Variants in NCAPG observed in about 807,000 individuals in gnomAD.
NCAPG encodes the protein non-SMC condensin I complex subunit G, also known as condensin complex subunit 3.
In NCAPG, 69 loss-of-function variants were observed where a neutral mutation model predicts 113.1. That is an observed-to-expected ratio of 0.61 (90% CI 0.50 to 0.75). The LOEUF (loss-of-function observed/expected upper bound fraction) is 0.75, where lower values mean the gene tolerates loss of function less well. Ranked by LOEUF, NCAPG falls within the 30% of genes least tolerant of loss-of-function variation. The pLI, the probability that NCAPG is intolerant of heterozygous loss-of-function variation, is 0.00. For synonymous variants in NCAPG, 370 were observed against 415.8 expected (o/e 0.89, Z 1.34); for missense variants, 1,058 against 1,177.0 (o/e 0.90, Z 1.48).
At chr4:17,833,532 A>G (rs1434286987) in intron 13 of NCAPG, among the ~76,000 whole-genome samples, 1 of 150,502 alleles carries the variant, frequency 6.6e-6, no homozygotes, top group African/African-American at 2.4e-5. Context: ...TATTTTTCCT[A>G]CTGGATTTTA....
Position 17,825,496 on chromosome 4 carries a change from G to T in NCAPG, c.1588G>T (p.Asp530Tyr), listed in dbSNP as rs1307050184. ...AAAAGAAGAAATAAAAGCATTAGAAGATGCCAGAATAAACCTTTTGAAAGA... is the reference window on the plus strand; with the variant it reads ...AAAAGAAGAAATAAAAGCATTAGAATATGCCAGAATAAACCTTTTGAAAGA... ...ELKEEIKALE[D>Y]ARINLLKETE... is the part of the protein sequence containing the mutation. The change falls in exon 11 of 21, where the codon GAT (aspartate) becomes TAT (tyrosine). Residue 530 changes from aspartate to tyrosine, a missense_variant. By Grantham distance (160) the Asp-to-Tyr change is radical. Coordinates refer to ENST00000251496, the MANE Select transcript of NCAPG (RefSeq NM_022346.5). 1 of 1,610,262 alleles carries T rather than the reference G, an allele frequency of 6.2e-7. No individual in the cohort carries two copies. The highest frequency in any genetic ancestry group is 1.7e-5 in the Admixed American group (1 of 58,920).
At chr4:17,824,779 T>G (rs562220580) in intron 9 of NCAPG, among the ~76,000 whole-genome samples, 189 bp from the exon 10 acceptor site, 1 of 148,778 alleles carries the variant, frequency 6.7e-6, no homozygotes, top group East Asian at 2.0e-4. Flanking sequence ...CATTTTGTAG[T>G]CAGATATATT....
intron 12 of NCAPG, among the ~76,000 whole-genome samples, chr4:17,829,918 A>C (rs1044552817): frequency 1.3e-5 from 2 of 152,246 alleles, no homozygotes; most frequent in Non-Finnish European, 2.9e-5. Context: ...AAGAAGAGCT[A>C]TATGGCCGTA....
rs370286068 is a variant in NCAPG, at chr4:17,825,528, G to A, written c.1620G>A (p.Glu540=). The A allele has an allele frequency of 6.3e-7, 1 of 1,595,794 alleles. No homozygotes were observed. The highest frequency in any genetic ancestry group is 8.5e-7 in the Non-Finnish European group (1 of 1,175,246). ...GAATAAACCTTTTGAAAGAGACAGA[G>A]CAACTTGAAATTAAAGAAGTCCACA... ...DARINLLKET[E]QLEIKEVHIE... The change falls in exon 11 of 21, where the codon GAG becomes GAA. Residue 540 remains glutamate, a synonymous_variant. Coordinates refer to ENST00000251496, the MANE Select transcript of NCAPG (RefSeq NM_022346.5).
chr4:17,826,460 G>A (rs1168718764), intron 11 of NCAPG, among the ~76,000 whole-genome samples: 2 of 152,088 alleles, frequency 1.3e-5, no homozygotes, highest in Non-Finnish European at 2.9e-5. Flanking sequence ...ATTTTATTTT[G>A]ATAGCTGGTG....
intron 12 of NCAPG, among the ~76,000 whole-genome samples, chr4:17,830,378 G>A (rs1014650131): frequency 4.6e-5 from 7 of 151,558 alleles, no homozygotes; most frequent in Admixed American, 1.3e-4. Flanking sequence ...GGGTGACAGC[G>A]TGAGACTCTG....
rs1174967368 is a variant in NCAPG, at chr4:17,831,013, T to G, written c.1781T>G (p.Ile594Arg). Residue 594 changes from isoleucine to arginine, a missense_variant, in exon 13 of 21, where the codon ATA becomes AGA. Ile to Arg is a moderately conservative substitution (Grantham distance 97). Transcript: ENST00000251496. ...IIESLILPGI[I>R]SIHPVVRNLA... is the part of the protein sequence containing the mutation. ...TCATTTTAGATTCTTCCTGGAATAATAAGTATTCATCCTGTTGTAAGAAAC... is the reference window on the plus strand; with the variant it reads ...TCATTTTAGATTCTTCCTGGAATAAGAAGTATTCATCCTGTTGTAAGAAAC... The G allele has an allele frequency of 6.2e-7, 1 of 1,611,696 alleles. No homozygotes were observed. Among genetic ancestry groups the G allele is most frequent in the South Asian group, 1.1e-5 (1 of 90,590 alleles).
chr4:17,836,817 C>G (rs1722115361), intron 14 of NCAPG, among the ~76,000 whole-genome samples: 3 of 152,118 alleles, frequency 2.0e-5, no homozygotes, highest in African/African-American at 7.2e-5. Flanking sequence ...TACCAGGGGC[C>G]AGGGTTTTCT....
intron 5 of NCAPG, 114 bp downstream of exon 5, chr4:17,815,472 C>A (rs528154518): frequency 2.4e-5 from 16 of 676,450 alleles, no homozygotes; most frequent in Non-Finnish European, 3.8e-5. Context: ...GTCCCATGAA[C>A]CTGGTGAAAT....
At chr4:17,840,568 GTTATC>G in intron 18 of NCAPG, 34 bp from the exon 19 acceptor site, 2 of 1,157,970 alleles carry the variant, frequency 1.7e-6, no homozygotes, top group Non-Finnish European at 2.3e-6. Context: ...ATTTCATGAG[GTTATC>G]TTATTTATAT....
intron 10 of NCAPG, 131 bp downstream of exon 10, chr4:17,825,188 A>T: frequency 1.3e-6 from 1 of 797,440 alleles, no homozygotes; most frequent in Non-Finnish European, 2.0e-6. Context: ...AAACTATAAG[A>T]ATATTTAAAA....
At position 17,813,146 on chromosome 4, in the gene NCAPG, G is replaced by C; in HGVS notation, c.544+1G>C. 6.2e-7 allele frequency: 1 copy of C among 1,601,900 alleles called. No individual in the cohort carries two copies. The highest frequency in any genetic ancestry group is 8.5e-7 in the Non-Finnish European group (1 of 1,174,366). On this transcript the variant is annotated splice_donor_variant, in intron 3 of 20. Transcript: ENST00000251496. LOFTEE classifies it high-confidence loss of function. ...GATGATGAATGCCCAGTGGTTAATG[G>C]TGTGTGTAGTTTCCTAAATCTTTTT...
chr4:17,838,499 G>GC (rs1269637612), intron 16 of NCAPG, among the ~76,000 whole-genome samples: 1 of 152,192 alleles, frequency 6.6e-6, no homozygotes, highest in East Asian at 1.9e-4. Flanking sequence ...TGAGACAAGG[G>GC]CAAGAGTCAT....
In NCAPG at chr4:17,840,685, C is replaced by T. The variant is rs1348825894; in HGVS notation, c.2846C>T (p.Thr949Ile). The change falls in exon 19 of 21, where the codon ACT (threonine) becomes ATT (isoleucine). Residue 949 changes from threonine to isoleucine, a missense_variant. By Grantham distance (89) the Thr-to-Ile change is moderately conservative. Coordinates refer to ENST00000251496, the MANE Select transcript of NCAPG (RefSeq NM_022346.5). ...GCATCAAAGTCTACTCAGCTAAAGA[C>T]TAACAGAGGTAGTGTGTGGATTGAC... Reference protein sequence around the residue: ...TQASKSTQLKTNRGQRKVTVS... With the variant: ...TQASKSTQLKINRGQRKVTVS... 1.3e-6 allele frequency: 2 copies of T among 1,539,616 alleles called. No homozygotes were observed. The highest frequency in any genetic ancestry group is 1.7e-6 in the Non-Finnish European group (2 of 1,144,548).
rs749704271 is a variant in NCAPG at position 17,831,584 on chromosome 4, A to C, written c.1884+468A>C. On this transcript the variant is annotated intron_variant, in intron 13 of 20. Transcript: ENST00000251496. Reference sequence around the variant, plus strand: ...TGTTTGGTTGAGAAAGACCTCACTAATAAGTTGACATTTGAGCAAATACCA... The same window carrying C: ...TGTTTGGTTGAGAAAGACCTCACTACTAAGTTGACATTTGAGCAAATACCA... Among the ~76,000 whole-genome samples the C allele has an allele frequency of 3.7e-4, 56 of 152,282 alleles. 1 individual carries two copies. The highest frequency in any genetic ancestry group is 7.4e-4 in the Non-Finnish European group (50 of 68,008).
At position 17,843,419 on chromosome 4, in the gene NCAPG, AAGTT is replaced by A. The variant is rs769341221; in HGVS notation, c.3045_3048del (p.Ser1015ArgfsTer10). The A allele has an allele frequency of 2.5e-6, 4 of 1,610,892 alleles. No individual in the cohort carries two copies. In the South Asian group the frequency reaches 4.4e-5, roughly 18 times the overall value. ...TTGCCCAATTTCTCAATGAAGATCTAAGTTAGGAAAGACGATGGAGGTGGAATCC... is the reference window on the plus strand; with the variant it reads ...TTGCCCAATTTCTCAATGAAGATCTAAGGAAAGACGATGGAGGTGGAATCC... On this transcript the variant is annotated frameshift_variant and stop_lost, in exon 21 of 21. Coordinates refer to ENST00000251496, the MANE Select transcript of NCAPG (RefSeq NM_022346.5). LOFTEE classifies it high-confidence loss of function.
rs1289891136 is a variant in NCAPG at position 17,842,392 on chromosome 4, T to G, written c.2924+13T>G. On this transcript the variant is annotated intron_variant, in intron 20 of 20. Transcript: ENST00000251496. ...CCGACTCTGAAAGGTATGTCATGCA[T>G]GTCTAGAATATATGGAGGCCTATCT... The G allele has an allele frequency of 1.2e-6, 2 of 1,608,490 alleles. No individual in the cohort carries two copies. Among genetic ancestry groups the G allele is most frequent in the Non-Finnish European group, 1.7e-6 (2 of 1,175,360 alleles).
rs770548167 is a variant in NCAPG at position 17,825,408 on chromosome 4, C to T, written c.1500C>T (p.Ile500=). The T allele has an allele frequency of 2.0e-5, 32 of 1,589,594 alleles. No homozygotes were observed. In the East Asian group the frequency reaches 4.0e-4, roughly 20 times the overall value. The change falls in exon 11 of 21, where the codon ATC becomes ATT. Residue 500 remains isoleucine, a synonymous_variant. Coordinates refer to ENST00000251496, the MANE Select transcript of NCAPG (RefSeq NM_022346.5). ...TGGCTGAAATAAAAGTTAAGCTTAT[C>T]GAAGCCAAAGAAGCTTTGGAAAATT... ...LKMAEIKVKL[I]EAKEALENCI...
At chr4:17,829,831 G>A (rs907528750) in intron 12 of NCAPG, among the ~76,000 whole-genome samples, 11 of 152,174 alleles carry the variant, frequency 7.2e-5, no homozygotes, top group Non-Finnish European at 1.5e-4. Context: ...GATTGCCCAC[G>A]TTGATCTGGT....
Sources: gnomAD v4.1 joint callset for allele counts (sites outside exome capture counted in the v4.1 genomes callset) on GRCh38, gnomAD v4.1.1 for gene constraint, MANE v1.5 for transcripts, NCBI Gene and HGNC (gene_info 2026-07-23, HGNC 2026-07-21) for gene names.